The following AOPEP variants were observed in gnomAD, a reference collection of about 807,000 sequenced individuals.
The protein encoded by AOPEP is aminopeptidase O.
AOPEP carries 77 observed loss-of-function variants against 98.1 expected under a neutral mutation model. The ratio of observed to expected loss-of-function variants is 0.78; its 90% CI spans 0.65 to 0.95. The LOEUF is 0.95. Among genes scored for constraint, AOPEP ranks in the 40% least tolerant of loss-of-function variants. The pLI, the probability that AOPEP is intolerant of heterozygous loss-of-function variation, is 0.00. For synonymous variants in AOPEP, 346 were observed against 365.3 expected (o/e 0.95, Z 0.60); for missense variants, 1,024 against 1,024.7 (o/e 1.00, Z 0.01).
intron 5 of AOPEP, among the ~76,000 whole-genome samples, chr9:94,887,980 T>TAA (rs1200242836): frequency 1.3e-5 from 2 of 152,170 alleles, no homozygotes; most frequent in East Asian, 3.8e-4. Context: ...TATCCAAGTA[T>TAA]AAGGCCATTG....
At chr9:95,081,971 T>C (rs1018378518) in intron 15 of AOPEP, among the ~76,000 whole-genome samples, 6 of 151,898 alleles carry the variant, frequency 4.0e-5, no homozygotes, top group African/African-American at 1.5e-4. Context: ...ACAGGAAAAA[T>C]GCAGATGTGA....
chr9:94,937,726 C>G (rs887818717), intron 7 of AOPEP, among the ~76,000 whole-genome samples: 6 of 152,178 alleles, frequency 3.9e-5, no homozygotes, highest in Non-Finnish European at 5.9e-5. Context: ...CTCTCAGACC[C>G]TATCCTAATG....
intron 10 of AOPEP, among the ~76,000 whole-genome samples, chr9:94,975,401 A>G (rs1589137006): frequency 6.6e-6 from 1 of 152,116 alleles, no homozygotes; most frequent in Non-Finnish European, 1.5e-5. Flanking sequence ...AGGACTTTTT[A>G]TTTGTTTCAC....
At chr9:94,877,199 G>A (rs529546670) in intron 5 of AOPEP, among the ~76,000 whole-genome samples, 1 of 152,254 alleles carries the variant, frequency 6.6e-6, no homozygotes, top group East Asian at 1.9e-4. Context: ...AAACCAGACA[G>A]GAAGCAGATT....
intron 5 of AOPEP, among the ~76,000 whole-genome samples, chr9:94,849,938 G>A (rs139767014): frequency 1.3e-5 from 2 of 151,932 alleles, no homozygotes; most frequent in East Asian, 1.9e-4. Flanking sequence ...GGGAGGCTGA[G>A]GCAGGAGAGT....
chr9:94,905,081 A>G (rs2050934199), intron 5 of AOPEP, among the ~76,000 whole-genome samples: 1 of 152,250 alleles, frequency 6.6e-6, no homozygotes, highest in Non-Finnish European at 1.5e-5. Flanking sequence ...GAGAATTGAT[A>G]AAAGCATCTT....
intron 13 of AOPEP, among the ~76,000 whole-genome samples, chr9:95,008,896 T>G (rs1256591214): frequency 2.0e-5 from 3 of 152,248 alleles, no homozygotes; most frequent in African/African-American, 7.2e-5. Context: ...GACTGAATTC[T>G]TTTATATTTT....
intron 7 of AOPEP, chr9:94,933,661 C>T (rs2055759736): frequency 1.0e-6 from 1 of 985,422 alleles, no homozygotes; most frequent in Non-Finnish European, 1.2e-6. Flanking sequence ...AAAATAAAGT[C>T]TGCATGCCAC....
chr9:94,786,282 A>G (rs384039), intron 3 of AOPEP, among the ~76,000 whole-genome samples: 21,471 of 152,246 alleles, frequency 0.14, 1,672 homozygotes, highest in Admixed American at 0.19. Flanking sequence ...CTTGTTATAC[A>G]TGAGGAAACT....
chr9:95,091,139 C>T (rs963043584), downstream of AOPEP, among the ~76,000 whole-genome samples: 1 of 152,234 alleles, frequency 6.6e-6, no homozygotes, highest in Admixed American at 6.5e-5. Context: ...GGGCCGCTTT[C>T]AAGGGACAGT....
In AOPEP at chr9:94,994,986, G is replaced by A. The variant is rs576584384; in HGVS notation, c.1978-10172G>A. 5.3e-5 allele frequency among the ~76,000 whole-genome samples: 8 copies of A among 152,276 alleles called. No individual in the cohort carries two copies. The East Asian group carries it at 1.4e-3, about 26-fold the overall frequency. On this transcript the variant is annotated intron_variant, in intron 11 of 16. Transcript: ENST00000375315. ...AAAAAGAAGTATCAAATTTCACTTT[G>A]TGATATTCTTGTAATAACAGTCAGC...
the AOPEP span, among the ~76,000 whole-genome samples, chr9:95,103,779 C>T: frequency 6.6e-6 from 1 of 152,222 alleles, no homozygotes; most frequent in Non-Finnish European, 1.5e-5. Context: ...GCGCAGAGCT[C>T]ACTGCAGAGG....
At position 94,766,515 on chromosome 9, in the gene AOPEP, C is replaced by T. The variant is rs532917770; in HGVS notation, c.797+5935C>T. On this transcript the variant is annotated intron_variant, in intron 2 of 16. Transcript: ENST00000375315. ...TCGCGCCACTGCACTCCAGCCTGGG[C>T]GACAGAGCGAGACTCCATCTCAAAA... Among the ~76,000 whole-genome samples, 5 of 152,260 alleles carry T rather than the reference C, an allele frequency of 3.3e-5. No individual in the cohort carries two copies. In the East Asian group the frequency reaches 5.8e-4, roughly 18 times the overall value.
chr9:94,877,098 A>G (rs1162533375), intron 5 of AOPEP, among the ~76,000 whole-genome samples: 1 of 152,118 alleles, frequency 6.6e-6, no homozygotes, highest in African/African-American at 2.4e-5. Context: ...GTTATTGATT[A>G]TTTTGGCCTC....
intron 1 of AOPEP, among the ~76,000 whole-genome samples, chr9:94,758,341 A>G (rs1588076322): frequency 6.6e-6 from 1 of 152,356 alleles, no homozygotes; most frequent in Non-Finnish European, 1.5e-5. Context: ...AAAAGTAGCT[A>G]GAAACTGGAT....
chr9:94,831,158 T>C (rs1030487124), intron 5 of AOPEP, among the ~76,000 whole-genome samples: 8 of 152,352 alleles, frequency 5.3e-5, no homozygotes, highest in Middle Eastern at 3.4e-3. Context: ...TTGCCTTGAT[T>C]TTCTTCTAGG....
intron 5 of AOPEP, among the ~76,000 whole-genome samples, chr9:94,856,662 A>C (rs1263325264): frequency 1.3e-5 from 2 of 151,302 alleles, no homozygotes; most frequent in African/African-American, 4.9e-5. Flanking sequence ...AAAAAAAAAA[A>C]AGCAGGTAGA....
At chr9:94,943,139 A>G (rs1206572018) in intron 7 of AOPEP, among the ~76,000 whole-genome samples, 1 of 152,208 alleles carries the variant, frequency 6.6e-6, no homozygotes, top group Non-Finnish European at 1.5e-5. Context: ...ATCAAAATTA[A>G]AAACTTTTGT....
At chr9:94,748,314 C>T (rs932967637) in intron 1 of AOPEP, among the ~76,000 whole-genome samples, 10 of 152,068 alleles carry the variant, frequency 6.6e-5, no homozygotes, top group African/African-American at 2.2e-4. Context: ...TTTAGTTTTT[C>T]AGTAGTTTGA....
Sources: allele counts gnomAD v4.1 joint callset (sites outside exome capture counted in the v4.1 genomes callset), GRCh38; gene constraint gnomAD v4.1.1; transcripts MANE v1.5; gene names NCBI Gene and HGNC (gene_info 2026-07-23, HGNC 2026-07-21).